Variants in DENND1A observed in about 807,000 individuals in gnomAD.
DENND1A encodes the protein DENN domain-containing protein 1A.
In DENND1A, 51 loss-of-function variants were observed where a neutral mutation model predicts 113.7. The observed-to-expected ratio is 0.45, with a 90% CI of 0.36 to 0.57. The LOEUF is 0.57. Ranked by LOEUF, DENND1A falls within the 20% of genes least tolerant of loss-of-function variation. The pLI, the probability that DENND1A is intolerant of heterozygous loss-of-function variation, is 0.00. For missense variants in DENND1A, 1,258 were observed against 1,395.9 expected, an observed-to-expected ratio of 0.90 and a Z score of 1.57; for synonymous variants, 565 against 570.8, an observed-to-expected ratio of 0.99 and a Z score of 0.14.
chr9:123,413,598 G>A (rs928405523), intron 19 of DENND1A: 15 of 985,406 alleles, frequency 1.5e-5, no homozygotes, highest in African/African-American at 1.7e-5. Context: ...GCGGGTCCAG[G>A]GACTTGGTGG....
At chr9:123,886,449 A>C (rs1849096696) in intron 1 of DENND1A, among the ~76,000 whole-genome samples, 1 of 152,132 alleles carries the variant, frequency 6.6e-6, no homozygotes, top group African/African-American at 2.4e-5. Flanking sequence ...AAAACTTCAA[A>C]CCAGCTTCAG....
At chr9:123,567,399 TTA>T (rs1479323584) in intron 12 of DENND1A, among the ~76,000 whole-genome samples, 1 of 152,182 alleles carries the variant, frequency 6.6e-6, no homozygotes, top group Non-Finnish European at 1.5e-5. Flanking sequence ...AAAAGGAAAC[TTA>T]TATGTTTTTT....
chr9:123,693,159 G>A (rs899954687), intron 5 of DENND1A, among the ~76,000 whole-genome samples: 6 of 152,106 alleles, frequency 3.9e-5, no homozygotes, highest in South Asian at 2.1e-4. Flanking sequence ...ACCACCACCC[G>A]CAATGAATCC....
At chr9:123,501,496 G>A (rs1241359836) in intron 13 of DENND1A, among the ~76,000 whole-genome samples, 1 of 152,146 alleles carries the variant, frequency 6.6e-6, no homozygotes, top group East Asian at 1.9e-4. Flanking sequence ...GAAACTGCAG[G>A]ATCATATGGC....
At chr9:123,873,642 G>A (rs1263371276) in intron 2 of DENND1A, among the ~76,000 whole-genome samples, 2 of 152,192 alleles carry the variant, frequency 1.3e-5, no homozygotes, top group Admixed American at 6.5e-5. Flanking sequence ...AATCACCGAT[G>A]AGGAATCAAA....
chr9:123,412,492 G>T (rs981776310), intron 19 of DENND1A, among the ~76,000 whole-genome samples: 1 of 152,238 alleles, frequency 6.6e-6, no homozygotes, highest in Non-Finnish European at 1.5e-5. Context: ...CTCCAAGGGG[G>T]TTCATCCCTA....
At chr9:123,654,473 C>A (rs1476071862) in intron 8 of DENND1A, among the ~76,000 whole-genome samples, 2 of 152,026 alleles carry the variant, frequency 1.3e-5, no homozygotes, top group African/African-American at 4.8e-5. Context: ...GCGTCAGAGA[C>A]AAATCCTGCG....
chr9:123,715,427 A>C (rs2066908039), intron 5 of DENND1A, among the ~76,000 whole-genome samples: 1 of 152,150 alleles, frequency 6.6e-6, no homozygotes, highest in Non-Finnish European at 1.5e-5. Flanking sequence ...TCATTCATTC[A>C]CTGACTCATA....
Position 123,468,529 on chromosome 9 carries a change from A to C in DENND1A, c.994-10632T>G, listed in dbSNP as rs555506969. 1.1e-3 allele frequency among the ~76,000 whole-genome samples: 169 copies of C among 152,306 alleles called. 1 individual carries two copies. Among genetic ancestry groups the C allele is most frequent in the African/African-American group, 3.7e-3 (153 of 41,570 alleles). ...GGCCCTATTTCTCACCAGCAGTCCC[A>C]TCTCAGTTGCATTTTGTTTAAATGC... On this transcript the variant is annotated intron_variant, in intron 13 of 23. Transcript: ENST00000394215.
At chr9:123,881,003 A>G (rs148823820) in intron 1 of DENND1A, among the ~76,000 whole-genome samples, 1 of 152,304 alleles carries the variant, frequency 6.6e-6, no homozygotes, top group African/African-American at 2.4e-5. Flanking sequence ...TGAATCAGGA[A>G]TCTACTTATT....
chr9:123,455,274 C>T (rs763813675), intron 15 of DENND1A, among the ~76,000 whole-genome samples: 1 of 152,226 alleles, frequency 6.6e-6, no homozygotes, highest in East Asian at 1.9e-4. Context: ...GCAGCCACCT[C>T]ACTGCCTGCT....
At chr9:123,788,087 C>T (rs1431303558) in intron 3 of DENND1A, among the ~76,000 whole-genome samples, 1 of 152,072 alleles carries the variant, frequency 6.6e-6, no homozygotes, top group Non-Finnish European at 1.5e-5. Flanking sequence ...GGAGAAGCAA[C>T]TTTTAGCACA....
At position 123,381,229 on chromosome 9, in the gene DENND1A, T is replaced by G; in HGVS notation, c.*203A>C. ...GATGGGCACTCAGGAACTGGGTTGA[T>G]TCCCAGGCTGGAACTGGTGCCATTC... is the stretch of plus-strand genomic sequence containing the variant. On this transcript the variant is annotated 3_prime_UTR_variant, in exon 24 of 24. Transcript: ENST00000394215. The surrounding 1 kb of genome is among the most constrained non-coding windows in gnomAD (Gnocchi z 4.7). 2 of 615,120 alleles carry G rather than the reference T, an allele frequency of 3.3e-6. No homozygotes were observed. The highest frequency in any genetic ancestry group is 5.6e-5 in the East Asian group (2 of 35,734). 38.1% of individuals were successfully genotyped at this position (615,120 alleles called of 1,614,324 possible).
At chr9:123,830,494 A>G (rs1036064570) in intron 2 of DENND1A, among the ~76,000 whole-genome samples, 1 of 152,160 alleles carries the variant, frequency 6.6e-6, no homozygotes, top group Non-Finnish European at 1.5e-5. Context: ...TTATAAATCA[A>G]TCAAAAAACT....
chr9:123,495,070 G>A (rs929032518), intron 13 of DENND1A, among the ~76,000 whole-genome samples: 1 of 151,770 alleles, frequency 6.6e-6, no homozygotes, highest in African/African-American at 2.4e-5. Flanking sequence ...GGGATTACAG[G>A]CACGAGCCAC....
chr9:123,521,117 A>C (rs190027623), intron 13 of DENND1A, among the ~76,000 whole-genome samples: 534 of 152,282 alleles, frequency 3.5e-3, no homozygotes, highest in Middle Eastern at 6.8e-3. Context: ...CACATTACCA[A>C]GACGCGGTTC....
intron 8 of DENND1A, among the ~76,000 whole-genome samples, chr9:123,653,792 C>T (rs1386216911): frequency 2.0e-5 from 3 of 151,922 alleles, no homozygotes; most frequent in African/African-American, 7.3e-5. Context: ...ACCCCATTCA[C>T]GGAGTGATCT....
At chr9:123,473,145 G>T (rs557711883) in intron 13 of DENND1A, among the ~76,000 whole-genome samples, 1 of 152,226 alleles carries the variant, frequency 6.6e-6, no homozygotes, top group East Asian at 1.9e-4. Flanking sequence ...CCCATGCCTG[G>T]GTCAGAGCAA....
At chr9:123,834,013 G>A (rs780343687) in intron 2 of DENND1A, among the ~76,000 whole-genome samples, 30 of 152,132 alleles carry the variant, frequency 2.0e-4, no homozygotes, top group Admixed American at 3.9e-4. Flanking sequence ...CTGAGATCAC[G>A]CCGCTGCACT....
Sources: gnomAD v4.1 joint callset for allele counts (sites outside exome capture counted in the v4.1 genomes callset) on GRCh38, gnomAD v4.1.1 for gene constraint, Gnocchi (gnomAD v3.1) non-coding constraint, MANE v1.5 for transcripts, NCBI Gene and HGNC (gene_info 2026-07-23, HGNC 2026-07-21) for gene names.